The following PPP2R5E variants were observed in gnomAD, a reference collection of about 807,000 sequenced individuals.
The protein encoded by PPP2R5E is serine/threonine-protein phosphatase 2A 56 kDa regulatory subunit epsilon isoform.
A neutral mutation model predicts 65.3 loss-of-function variants in PPP2R5E; 4 were observed. The ratio of observed to expected loss-of-function variants is 0.06; its 90% confidence interval spans 0.03 to 0.14. PPP2R5E has a LOEUF of 0.14. PPP2R5E is among the 10% of genes least tolerant of loss of function. The pLI is 1.00. For missense variants in PPP2R5E, 274 were observed against 556.1 expected (o/e 0.49, Z 5.10); for synonymous variants, 183 against 187.4 (o/e 0.98, Z 0.19).
At chr14:63,456,969 A>T (rs1219953293) in intron 2 of PPP2R5E, among the ~76,000 whole-genome samples, 1 of 152,248 alleles carries the variant, frequency 6.6e-6, no homozygotes, top group African/African-American at 2.4e-5. Context: ...ACCTTCATTA[A>T]ATTAAAAAAC....
intron 2 of PPP2R5E, among the ~76,000 whole-genome samples, chr14:63,535,114 A>T (rs768814942): frequency 9.9e-5 from 15 of 152,028 alleles, no homozygotes; most frequent in Non-Finnish European, 1.6e-4. Context: ...AGATTTCAAA[A>T]CCCCACCTAT....
intron 2 of PPP2R5E, among the ~76,000 whole-genome samples, chr14:63,477,916 G>A (rs969513280): frequency 1.3e-5 from 2 of 151,752 alleles, no homozygotes; most frequent in African/African-American, 4.8e-5. Context: ...AAAAATCCAC[G>A]AGAGAAACAA....
At chr14:63,541,680 A>T (rs1171338163) in intron 1 of PPP2R5E, among the ~76,000 whole-genome samples, 1 of 152,230 alleles carries the variant, frequency 6.6e-6, no homozygotes, top group Non-Finnish European at 1.5e-5. Flanking sequence ...ACAGTAAGGG[A>T]ATTTCTTCCT....
intron 13 of PPP2R5E, among the ~76,000 whole-genome samples, chr14:63,377,454 C>T (rs542735199): frequency 6.6e-6 from 1 of 152,246 alleles, no homozygotes; most frequent in Non-Finnish European, 1.5e-5. Flanking sequence ...TCCCCTCCAA[C>T]TCCCAAAAAA....
At chr14:63,504,444 T>C (rs1892060091) in intron 2 of PPP2R5E, among the ~76,000 whole-genome samples, 1 of 151,970 alleles carries the variant, frequency 6.6e-6, no homozygotes, top group Non-Finnish European at 1.5e-5. Flanking sequence ...TAGCCAGGCG[T>C]GGTGGCTCAC....
rs754978670 is a variant in PPP2R5E at position 63,393,972 on chromosome 14, T to C, written c.741-44A>G. 1.8e-5 allele frequency: 21 copies of C among 1,175,554 alleles called. No individual in the cohort carries two copies. In the African/African-American group the frequency reaches 2.7e-4, roughly 15 times the overall value. 72.8% of individuals were successfully genotyped at this position (1,175,554 alleles called of 1,614,324 possible). A position where few individuals can be genotyped will look rare whatever the true frequency, so the allele number is the denominator to read the frequency against. ...CACAAATTAGCAATGTTACCACAAGTTGAACTGAGACAAACTGTTCTTGTG... is the reference window on the plus strand; with the variant it reads ...CACAAATTAGCAATGTTACCACAAGCTGAACTGAGACAAACTGTTCTTGTG... On this transcript the variant is annotated intron_variant, in intron 7 of 13. Coordinates refer to ENST00000337537, the MANE Select transcript of PPP2R5E (RefSeq NM_006246.5).
At chr14:63,404,642 C>T (rs1217361005) in intron 5 of PPP2R5E, among the ~76,000 whole-genome samples, 1 of 152,154 alleles carries the variant, frequency 6.6e-6, no homozygotes, top group Non-Finnish European at 1.5e-5. Context: ...ATTCTGACTC[C>T]AAGACTCCTA....
chr14:63,396,505 T>G (rs1885406529), intron 6 of PPP2R5E, 81 bp downstream of exon 6: 1 of 1,517,126 alleles, frequency 6.6e-7, no homozygotes, highest in Admixed American at 1.8e-5. Context: ...AGTACACCGT[T>G]TTCAGATATT....
In PPP2R5E at chr14:63,375,919, A is replaced by C; in HGVS notation, c.*90T>G. ...TGAAACAAAGGTGAAATCTACTGTAAAGTTGCACAATACAGAAAACTGTTG... is the reference window on the plus strand; with the variant it reads ...TGAAACAAAGGTGAAATCTACTGTACAGTTGCACAATACAGAAAACTGTTG... On this transcript the variant is annotated 3_prime_UTR_variant, in exon 14 of 14. Coordinates refer to ENST00000337537, the MANE Select transcript of PPP2R5E (RefSeq NM_006246.5). 1 of 885,684 alleles carries C rather than the reference A, an allele frequency of 1.1e-6. No individual in the cohort carries two copies. Among genetic ancestry groups the C allele is most frequent in the South Asian group, 1.6e-5 (1 of 63,886 alleles). 54.9% of individuals were successfully genotyped at this position (885,684 alleles called of 1,614,324 possible).
chr14:63,520,852 A>G (rs1479664717), intron 2 of PPP2R5E, among the ~76,000 whole-genome samples: 1 of 136,174 alleles, frequency 7.3e-6, no homozygotes, highest in African/African-American at 3.1e-5. Context: ...CATCTCTACT[A>G]AAAATACAAA....
chr14:63,520,077 G>C (rs1892834136), intron 2 of PPP2R5E, among the ~76,000 whole-genome samples: 1 of 149,784 alleles, frequency 6.7e-6, no homozygotes, highest in Non-Finnish European at 1.5e-5. Context: ...GCTCTGTCGC[G>C]CAGGCTGGAG....
chr14:63,440,391 G>C (rs1371742800), intron 3 of PPP2R5E, among the ~76,000 whole-genome samples: 1 of 149,856 alleles, frequency 6.7e-6, no homozygotes, highest in Non-Finnish European at 1.5e-5. Context: ...AGGAGAGAGG[G>C]AGTGAAGAAG....
rs1566657220 is a variant in PPP2R5E, at chr14:63,374,670, A to AT, written c.*1338_*1339insA. 22 of 110,888 alleles carry AT rather than the reference A, an allele frequency of 2.0e-4. No homozygotes were observed. The highest frequency in any genetic ancestry group is 4.2e-3 in the Middle Eastern group (1 of 240). 6.9% of individuals were successfully genotyped at this position (110,888 alleles called of 1,614,324 possible). A position where few individuals can be genotyped will look rare whatever the true frequency, so the allele number is the denominator to read the frequency against. The stretch of plus-strand genomic sequence containing the variant: ...ATATATATATATATATATATATATA[A>AT]AATACAGCCCTAGATTTTGTTTTTT... On this transcript the variant is annotated 3_prime_UTR_variant, in exon 14 of 14. Coordinates refer to ENST00000337537, the MANE Select transcript of PPP2R5E (RefSeq NM_006246.5).
intron 8 of PPP2R5E, 121 bp downstream of exon 8, chr14:63,393,699 A>C: frequency 1.6e-6 from 1 of 642,502 alleles, no homozygotes; most frequent in Non-Finnish European, 2.7e-6. Context: ...GCGGCAGAGC[A>C]AGACTCCGTC....
chr14:63,463,373 CTCG>C (rs1031429561), intron 2 of PPP2R5E, among the ~76,000 whole-genome samples: 21 of 151,390 alleles, frequency 1.4e-4, no homozygotes, highest in African/African-American at 4.4e-4. Context: ...AACTCCTGGC[CTCG>C]TGATCGCCCA....
chr14:63,430,413 ACATACATG>A (rs1338948746), intron 3 of PPP2R5E, among the ~76,000 whole-genome samples: 1 of 143,474 alleles, frequency 7.0e-6, no homozygotes, highest in East Asian at 1.9e-4. Context: ...ATACATACAT[ACATACATG>A]CATACATACA....
chr14:63,462,380 GATC>G (rs1303836727), intron 2 of PPP2R5E, among the ~76,000 whole-genome samples: 2 of 152,020 alleles, frequency 1.3e-5, no homozygotes, highest in East Asian at 1.9e-4. Context: ...TTCAACTGTA[GATC>G]ATCATAAAAG....
rs181748549 is a variant in PPP2R5E at position 63,484,218 on chromosome 14, C to G, written c.158-30333G>C. ...TGAAAGGGACCGGACCAAGGAGTAG[C>G]TGGAAATACAAGTCTGGACTGGAGA... On this transcript the variant is annotated intron_variant, in intron 2 of 13. Coordinates refer to ENST00000337537, the MANE Select transcript of PPP2R5E (RefSeq NM_006246.5). 1.3e-3 allele frequency among the ~76,000 whole-genome samples: 200 copies of G among 152,082 alleles called. 1 individual carries two copies. Among genetic ancestry groups the G allele is most frequent in the African/African-American group, 4.6e-3 (191 of 41,500 alleles).
At chr14:63,392,894 A>C (rs1304825689) in intron 8 of PPP2R5E, among the ~76,000 whole-genome samples, 1 of 152,262 alleles carries the variant, frequency 6.6e-6, no homozygotes, top group East Asian at 1.9e-4. Context: ...AATACTACCC[A>C]ATAACTTATC....
Sources: allele counts gnomAD v4.1 joint callset (sites outside exome capture counted in the v4.1 genomes callset), GRCh38; gene constraint gnomAD v4.1.1; transcripts MANE v1.5; gene names NCBI Gene and HGNC (gene_info 2026-07-23, HGNC 2026-07-21).